ARHGAP5: variants seen among roughly 807,000 people sequenced by gnomAD.
The protein encoded by ARHGAP5 is rho GTPase-activating protein 5.
Under a neutral mutation model 116.6 loss-of-function variants are expected in ARHGAP5, and 23 were observed. The observed-to-expected ratio is 0.20, with a 90% CI of 0.14 to 0.28. The LOEUF is 0.28. Among genes scored for constraint, ARHGAP5 ranks in the 10% least tolerant of loss-of-function variants. The pLI is 1.00. For synonymous variants in ARHGAP5, 574 were observed against 602.0 expected (o/e 0.95, Z 0.68); for missense variants, 1,405 against 1,774.8 (o/e 0.79, Z 3.74).
chr14:32,121,085 T>G (rs1405745563), intron 3 of ARHGAP5, among the ~76,000 whole-genome samples: 1 of 148,528 alleles, frequency 6.7e-6, no homozygotes, highest in East Asian at 2.0e-4. Flanking sequence ...AGGTGTAACT[T>G]CAGCTAGTTG....
chr14:32,077,492 C>A, intron 1 of ARHGAP5, 57 bp downstream of exon 1: 2 of 682,104 alleles, frequency 2.9e-6, no homozygotes, highest in Non-Finnish European at 5.3e-6. Context: ...CGGACGGGGA[C>A]CCTCCTGCGG....
rs1003024303 is a variant in ARHGAP5, at chr14:32,077,389, G to A, written c.-215G>A. 2.8e-6 allele frequency: 2 copies of A among 702,306 alleles called. No individual in the cohort carries two copies. Among genetic ancestry groups the A allele is most frequent in the Admixed American group, 2.0e-5 (1 of 50,060 alleles). 43.5% of individuals were successfully genotyped at this position (702,306 alleles called of 1,614,324 possible). A position where few individuals can be genotyped will look rare whatever the true frequency, so the allele number is the denominator to read the frequency against. ...GAATGTCGCTGCCGCCGCCACCGCC[G>A]GGGCCGCTGCCGTTGAGGAGGAGAC... On this transcript the variant is annotated 5_prime_UTR_variant, in exon 1 of 7. Coordinates refer to ENST00000345122, the MANE Select transcript of ARHGAP5 (RefSeq NM_001030055.2).
chr14:32,139,992 T>C (rs985583636), intron 3 of ARHGAP5, among the ~76,000 whole-genome samples: 1 of 150,186 alleles, frequency 6.7e-6, no homozygotes, highest in Non-Finnish European at 1.5e-5. Flanking sequence ...CATATGTGAT[T>C]AAAAATAATT....
rs1881833767 is a variant in ARHGAP5, at chr14:32,155,055, T to G, written c.*107T>G. 1 of 952,656 alleles carries G rather than the reference T, an allele frequency of 1.0e-6. No homozygotes were observed. The highest frequency in any genetic ancestry group is 1.5e-6 in the Non-Finnish European group (1 of 650,736). 59.0% of individuals were successfully genotyped at this position (952,656 alleles called of 1,614,324 possible). A position where few individuals can be genotyped will look rare whatever the true frequency, so the allele number is the denominator to read the frequency against. On this transcript the variant is annotated 3_prime_UTR_variant, in exon 7 of 7. Transcript: ENST00000345122. ...CATGTTTCATACAGATAATTCACAT[T>G]CAAAATTACATTTTCTCTTTGAACT...
At chr14:32,082,832 A>C (rs532360247) in intron 1 of ARHGAP5, among the ~76,000 whole-genome samples, 1 of 152,340 alleles carries the variant, frequency 6.6e-6, no homozygotes, top group South Asian at 2.1e-4. Flanking sequence ...GAGCCACTGC[A>C]CCTGGCTGGA....
Position 32,093,028 on chromosome 14 carries a change from G to A in ARHGAP5, c.2359G>A (p.Gly787Arg), listed in dbSNP as rs746406520. Residue 787 changes from glycine to arginine, a missense_variant, in exon 2 of 7, where the codon GGA (glycine) becomes AGA (arginine). Physicochemically the swap from Gly to Arg is moderately radical, Grantham distance 125. Around this residue, in one of 6 missense-constraint regions of ARHGAP5, gnomAD observed 944 missense variants for 1,095.3 expected, o/e 0.86. Coordinates refer to ENST00000345122, the MANE Select transcript of ARHGAP5 (RefSeq NM_001030055.2). The stretch of plus-strand genomic sequence containing the variant: ...GAGAATTGTCATGTGCGCCATGTGT[G>A]GAGATCCATTTAGTGTGGATCTTAT... ...DLRIVMCAMC[G>R]DPFSVDLILS... 2 of 1,614,048 alleles carry A rather than the reference G, an allele frequency of 1.2e-6. No homozygotes were observed. The highest frequency in any genetic ancestry group is 2.2e-5 in the East Asian group (1 of 44,878).
intron 2 of ARHGAP5, among the ~76,000 whole-genome samples, chr14:32,115,994 A>G (rs1403812921): frequency 2.2e-5 from 3 of 139,148 alleles, no homozygotes; most frequent in Non-Finnish European, 4.7e-5. Context: ...GACTCCGTCT[A>G]AAAAAAAAAG....
At chr14:32,140,066 C>CTT (rs764763402) in intron 3 of ARHGAP5, among the ~76,000 whole-genome samples, 31 of 27,998 alleles carry the variant, frequency 1.1e-3, no homozygotes, top group East Asian at 4.8e-3. Context: ...TTTTCTCTCT[C>CTT]TTTTTTTTTT....
chr14:32,110,171 C>G (rs2139053968), intron 2 of ARHGAP5, among the ~76,000 whole-genome samples: 2 of 151,160 alleles, frequency 1.3e-5, no homozygotes, highest in South Asian at 4.2e-4. Context: ...GATAAAAATT[C>G]CTGCCCTTGT....
chr14:32,131,160 C>T (rs1271338154), intron 3 of ARHGAP5, among the ~76,000 whole-genome samples: 2 of 151,912 alleles, frequency 1.3e-5, no homozygotes, highest in Non-Finnish European at 2.9e-5. Flanking sequence ...TCAAATTCTC[C>T]CAGTTGTCTC....
At position 32,154,762 on chromosome 14, in the gene ARHGAP5, C is replaced by T. The variant is rs375933800; in HGVS notation, c.4323C>T (p.Phe1441=). ...TKIHQSVVET[F]IQQCQFFFYN... The stretch of plus-strand genomic sequence containing the variant: ...TTCATCAATCTGTTGTTGAAACATT[C>T]ATTCAGCAGTGTCAGTTTTTCTTTT... The change falls in exon 7 of 7, where the codon TTC becomes TTT. Residue 1441 remains phenylalanine, a synonymous_variant. Transcript: ENST00000345122. The T allele has an allele frequency of 4.3e-5, 69 of 1,614,070 alleles. No homozygotes were observed. The highest frequency in any genetic ancestry group is 5.5e-5 in the Non-Finnish European group (65 of 1,180,028).
At chr14:32,111,058 T>C (rs1879267585) in intron 2 of ARHGAP5, among the ~76,000 whole-genome samples, 1 of 152,220 alleles carries the variant, frequency 6.6e-6, no homozygotes, top group South Asian at 2.1e-4. Context: ...ATAATTTAGC[T>C]TATCAGCATA....
intron 2 of ARHGAP5, among the ~76,000 whole-genome samples, chr14:32,113,637 A>G (rs762795331): frequency 6.6e-6 from 1 of 152,140 alleles, no homozygotes; most frequent in South Asian, 2.1e-4. Context: ...ACAACCCCCA[A>G]TTTTATTTTA....
At chr14:32,115,663 CAAAAA>C (rs60051497) in intron 2 of ARHGAP5, among the ~76,000 whole-genome samples, 1 of 39,950 alleles carries the variant, frequency 2.5e-5, no homozygotes, top group Non-Finnish European at 5.2e-5. Flanking sequence ...GACTCCGTCT[CAAAAA>C]AAAAAAAAAA....
At chr14:32,089,756 A>G (rs1262334096) in intron 1 of ARHGAP5, among the ~76,000 whole-genome samples, 2 of 151,858 alleles carry the variant, frequency 1.3e-5, no homozygotes, top group African/African-American at 2.4e-5. Context: ...TCTTGAATCT[A>G]ATAAAAAATC....
chr14:32,098,116 G>A (rs952160354), intron 2 of ARHGAP5, among the ~76,000 whole-genome samples: 1 of 152,176 alleles, frequency 6.6e-6, no homozygotes, highest in Non-Finnish European at 1.5e-5. Context: ...TTTGATAAAT[G>A]GAAGAGTAAA....
chr14:32,092,746 A>T lies in ARHGAP5; in HGVS notation c.2077A>T (p.Asn693Tyr). Residue 693 changes from asparagine (N) to tyrosine (Y), a missense_variant, in exon 2 of 7, where the codon AAT (asparagine) becomes TAT (tyrosine). Physicochemically the swap from Asn to Tyr is moderately radical, Grantham distance 143 (BLOSUM62 -2). This residue lies in a region of ARHGAP5 where 944 missense variants were observed against 1,095.3 expected (regional missense o/e 0.86). Transcript: ENST00000345122. This position sits in a 1 kb window ranked among gnomAD's most constrained non-coding sequence, Gnocchi z 4.1. ...GATCAGAAAAGATAAATACATGGCT[A>T]ATCTTCCATTTACATTAATTCTGGC... ...SQIRKDKYMA[N>Y]LPFTLILANQ... 6.2e-7 allele frequency: 1 copy of T among 1,613,774 alleles called. No homozygotes were observed.
chr14:32,086,588 A>T lies in ARHGAP5; in HGVS notation c.-168-3914A>T, dbSNP rs79453569. On this transcript the variant is annotated intron_variant, in intron 1 of 6. Transcript: ENST00000345122. The stretch of plus-strand genomic sequence containing the variant: ...TCCTGACATGGTATAATTTAAAAGC[A>T]TAAAATATTTTTAAATATATACCTT... Among the ~76,000 whole-genome samples, 798 of 151,056 alleles carry T rather than the reference A, an allele frequency of 5.3e-3. 4 individuals carry two copies. The highest frequency in any genetic ancestry group is 7.6e-3 in the Admixed American group (116 of 15,262).
intron 2 of ARHGAP5, among the ~76,000 whole-genome samples, chr14:32,098,337 G>T (rs1173395475): frequency 1.3e-5 from 2 of 152,192 alleles, no homozygotes; most frequent in Non-Finnish European, 2.9e-5. Flanking sequence ...GCCACATGGG[G>T]CTATTGGACA....
Sources: allele counts gnomAD v4.1 joint callset (sites outside exome capture counted in the v4.1 genomes callset), GRCh38; gene constraint gnomAD v4.1.1; regional missense constraint gnomAD v4.1.1; non-coding constraint Gnocchi (gnomAD v3.1); transcripts MANE v1.5; gene names NCBI Gene and HGNC (gene_info 2026-07-23, HGNC 2026-07-21).